The following DLG2 variants were observed in gnomAD, a reference collection of about 807,000 sequenced individuals.
The protein encoded by DLG2 is discs large MAGUK scaffold protein 2, also known as disks large homolog 2.
Under a neutral mutation model 132.5 loss-of-function variants are expected in DLG2, and 45 were observed. The ratio of observed to expected loss-of-function variants is 0.34; its 90% CI spans 0.27 to 0.44. The LOEUF is 0.44. DLG2 is among the 20% of genes least tolerant of loss of function. The probability of loss-of-function intolerance (pLI) is 1.00; values close to 1 mark genes in which losing one functional copy is unlikely to be tolerated. For synonymous variants in DLG2, 424 were observed against 419.6 expected, an observed-to-expected ratio of 1.01 and a Z score of -0.13; for missense variants, 1,045 against 1,196.9, an observed-to-expected ratio of 0.87 and a Z score of 1.87.
chr11:84,789,791 AT>A (rs1354291915), intron 6 of DLG2, among the ~76,000 whole-genome samples: 1 of 152,122 alleles, frequency 6.6e-6, no homozygotes, highest in Non-Finnish European at 1.5e-5. Context: ...AGTAAGTTCA[AT>A]TGTTTTAATT....
At chr11:84,214,394 G>T (rs1211482492) in intron 8 of DLG2, among the ~76,000 whole-genome samples, 2 of 150,210 alleles carry the variant, frequency 1.3e-5, no homozygotes, top group African/African-American at 4.9e-5. Context: ...TTTTATATAT[G>T]TGTAAACATG....
intron 10 of DLG2, among the ~76,000 whole-genome samples, chr11:84,092,616 G>T (rs1208091130): frequency 6.6e-6 from 1 of 152,180 alleles, no homozygotes. Flanking sequence ...TCTACTTAGG[G>T]AGGAAGTCAC....
chr11:85,309,649 G>C (rs1447254338), intron 3 of DLG2, among the ~76,000 whole-genome samples: 1 of 152,064 alleles, frequency 6.6e-6, no homozygotes, highest in African/African-American at 2.4e-5. Context: ...CATCCTCCCT[G>C]TCCCTGCCCA....
chr11:84,654,155 A>G (rs985947234), intron 6 of DLG2, among the ~76,000 whole-genome samples: 1 of 152,162 alleles, frequency 6.6e-6, no homozygotes, highest in African/African-American at 2.4e-5. Flanking sequence ...CTCCATTGCC[A>G]CCACAAGCAA....
intron 19 of DLG2, among the ~76,000 whole-genome samples, chr11:83,612,707 G>A (rs1305856529): frequency 6.6e-6 from 1 of 152,126 alleles, no homozygotes; most frequent in Admixed American, 6.5e-5. Context: ...GTGCCTGAAT[G>A]GAGTCTTGAA....
intron 3 of DLG2, among the ~76,000 whole-genome samples, chr11:85,498,012 C>A (rs2093707840): frequency 2.0e-5 from 3 of 152,280 alleles, no homozygotes; most frequent in Non-Finnish European, 4.4e-5. Flanking sequence ...TATGAAGAAA[C>A]CACATCAATT....
chr11:84,132,504 A>G (rs974986535), intron 9 of DLG2, among the ~76,000 whole-genome samples: 1 of 152,000 alleles, frequency 6.6e-6, no homozygotes, highest in African/African-American at 2.4e-5. Context: ...AGATAACGAT[A>G]CATAAGAAAA....
chr11:84,439,800 C>T (rs760179511), intron 7 of DLG2, among the ~76,000 whole-genome samples: 3 of 152,030 alleles, frequency 2.0e-5, no homozygotes, highest in Admixed American at 6.6e-5. Flanking sequence ...ATAAAAAGAA[C>T]GGGGATAAAC....
At chr11:84,206,855 C>T (rs571738949) in intron 8 of DLG2, among the ~76,000 whole-genome samples, 55 of 151,862 alleles carry the variant, frequency 3.6e-4, no homozygotes, top group African/African-American at 1.3e-3. Flanking sequence ...ATGTAGAAAC[C>T]TCCCCCAAAT....
intron 18 of DLG2, among the ~76,000 whole-genome samples, chr11:83,668,378 C>T (rs1447272875): frequency 2.0e-5 from 3 of 152,166 alleles, no homozygotes; most frequent in African/African-American, 7.2e-5. Context: ...CTATCAGTCC[C>T]AGGACACATC....
intron 3 of DLG2, among the ~76,000 whole-genome samples, chr11:85,539,585 G>C (rs894573186): frequency 6.6e-6 from 1 of 152,118 alleles, no homozygotes; most frequent in African/African-American, 2.4e-5. Context: ...GATGATAGCT[G>C]CATAACTCTG....
intron 6 of DLG2, among the ~76,000 whole-genome samples, chr11:84,889,907 G>C (rs2089048298): frequency 6.6e-6 from 1 of 152,302 alleles, no homozygotes; most frequent in East Asian, 1.9e-4. Flanking sequence ...CACCACTGTG[G>C]TTCCCTCAGG....
At chr11:84,182,611 G>C (rs2154281225) in intron 8 of DLG2, among the ~76,000 whole-genome samples, 2 of 152,250 alleles carry the variant, frequency 1.3e-5, no homozygotes, top group African/African-American at 4.8e-5. Flanking sequence ...GCAGTGTTTA[G>C]AGGGAAATTC....
chr11:84,276,013 C>A (rs2097780480), intron 7 of DLG2, among the ~76,000 whole-genome samples: 1 of 151,996 alleles, frequency 6.6e-6, no homozygotes, highest in Non-Finnish European at 1.5e-5. Flanking sequence ...AGAAATGTGA[C>A]ACCAAGAAAA....
chr11:85,102,439 AG>A (rs746126137), intron 6 of DLG2, among the ~76,000 whole-genome samples: 2 of 152,058 alleles, frequency 1.3e-5, no homozygotes, highest in Admixed American at 6.6e-5. Flanking sequence ...AGAGAAAGTC[AG>A]GCATGGATTA....
At chr11:84,191,231 A>G (rs1468822586) in intron 8 of DLG2, among the ~76,000 whole-genome samples, 2 of 152,136 alleles carry the variant, frequency 1.3e-5, no homozygotes, top group Admixed American at 1.3e-4. Flanking sequence ...TTTAATGTAT[A>G]AAACATTTAT....
intron 6 of DLG2, among the ~76,000 whole-genome samples, chr11:85,031,346 A>G (rs2060984728): frequency 6.6e-6 from 1 of 152,020 alleles, no homozygotes; most frequent in Admixed American, 6.6e-5. Context: ...TAAGCAGTGT[A>G]CAGCTGATAT....
At chr11:85,525,308 T>C (rs975726864) in intron 3 of DLG2, among the ~76,000 whole-genome samples, 4 of 152,194 alleles carry the variant, frequency 2.6e-5, no homozygotes, top group African/African-American at 9.6e-5. Context: ...CAAAGAACTT[T>C]TAAAAATTGT....
intron 7 of DLG2, among the ~76,000 whole-genome samples, chr11:84,374,487 T>A (rs2098721253): frequency 6.6e-6 from 1 of 152,032 alleles, no homozygotes; most frequent in Non-Finnish European, 1.5e-5. Flanking sequence ...TAATCTGTGA[T>A]TTTTTTTAGC....
Sources: gnomAD v4.1 joint callset for allele counts (sites outside exome capture counted in the v4.1 genomes callset) on GRCh38, gnomAD v4.1.1 for gene constraint, MANE v1.5 for transcripts, NCBI Gene and HGNC (gene_info 2026-07-23, HGNC 2026-07-21) for gene names.